HIC1: variants seen among roughly 807,000 people sequenced by gnomAD.
HIC1 encodes the protein HIC ZBTB transcriptional repressor 1.
In HIC1, 9 loss-of-function variants were observed where a neutral mutation model predicts 26.4. That is an observed-to-expected ratio of 0.34 (90% confidence interval 0.21 to 0.59). The LOEUF is 0.59. Ranked by LOEUF, HIC1 falls within the 20% of genes least tolerant of loss-of-function variation. The pLI is 0.82. For missense variants in HIC1, 965 were observed against 1,075.7 expected (o/e 0.90, Z 1.44); for synonymous variants, 631 against 523.1 (o/e 1.21, Z -2.81).
Position 2,056,876 on chromosome 17 carries a change from G to A in HIC1, c.186G>A (p.Leu62=), listed in dbSNP as rs768250662. ...AGTCCCTGGTGGTGCATGACAACCT[G>A]CTCAACCTGGACCATGACATGGTGA... ...YLKSLVVHDN[L]LNLDHDMVSP... Residue 62 remains leucine, a synonymous_variant, in exon 2 of 2, where the codon CTG becomes CTA. Coordinates refer to ENST00000619757, the MANE Select transcript of HIC1 (RefSeq NM_006497.4). 25 of 1,612,782 alleles carry A rather than the reference G, an allele frequency of 1.6e-5. No homozygotes were observed. The Middle Eastern group carries it at 4.9e-4, about 32-fold the overall frequency.
At position 2,057,960 on chromosome 17, in the gene HIC1, G is replaced by A. The variant is rs769067993; in HGVS notation, c.1270G>A (p.Gly424Ser). 3.5e-5 allele frequency: 56 copies of A among 1,610,390 alleles called. No individual in the cohort carries two copies. The highest frequency in any genetic ancestry group is 4.6e-5 in the Non-Finnish European group (54 of 1,178,882). Residue 424 changes from glycine (G) to serine (S), a missense_variant, in exon 2 of 2, where the codon GGC becomes AGC. Coordinates refer to ENST00000619757, the MANE Select transcript of HIC1 (RefSeq NM_006497.4). ...GDNLYVCIPC[G>S]KGFPSSEQLN... ...CAACCTGTACGTGTGCATTCCGTGC[G>A]GCAAGGGCTTCCCCAGCTCTGAGCA...
chr17:2,058,711 C>A lies in HIC1; in HGVS notation c.2021C>A (p.Pro674Gln), dbSNP rs1175479430. The A allele has an allele frequency of 6.5e-7, 1 of 1,539,626 alleles. No homozygotes were observed. The highest frequency in any genetic ancestry group is 8.7e-7 in the Non-Finnish European group (1 of 1,147,202). ...AAGGTGGCGCTGGAGAGCCTCTACC[C>A]GCTGGCCAAGTTCACGGCCGAGCTG... ...DPKVALESLY[P>Q]LAKFTAELGL... Residue 674 changes from proline (P) to glutamine (Q), a missense_variant, in exon 2 of 2, where the codon CCG becomes CAG. Transcript: ENST00000619757.
At position 2,061,496 on chromosome 17, in the gene HIC1, C is replaced by T. The variant is rs1326687344; in HGVS notation, c.*2661C>T. ...GGGGGCCCCAGTGTGGCTCCCTCAG[C>T]CCACCTGGGCCCACGTGAGGAAGGC... is the stretch of plus-strand genomic sequence containing the variant. On this transcript the variant is annotated 3_prime_UTR_variant, in exon 2 of 2. Transcript: ENST00000619757. 6.4e-7 allele frequency: 1 copy of T among 1,570,326 alleles called. No individual in the cohort carries two copies. Among genetic ancestry groups the T allele is most frequent in the Non-Finnish European group, 8.6e-7 (1 of 1,159,130 alleles).
chr17:2,056,905 C>T lies in HIC1; in HGVS notation c.215C>T (p.Pro72Leu). The T allele has an allele frequency of 6.2e-7, 1 of 1,612,796 alleles. No individual in the cohort carries two copies. Among genetic ancestry groups the T allele is most frequent in the Non-Finnish European group, 8.5e-7 (1 of 1,179,866 alleles). Residue 72 changes from proline (P) to leucine (L), a missense_variant, in exon 2 of 2, where the codon CCG becomes CTG. Physicochemically the swap from Pro to Leu is moderately conservative, Grantham distance 98. Coordinates refer to ENST00000619757, the MANE Select transcript of HIC1 (RefSeq NM_006497.4). ...AACCTGGACCATGACATGGTGAGCCCGGCCGTGTTCCGCCTGGTGCTGGAC... is the reference window on the plus strand; with the variant it reads ...AACCTGGACCATGACATGGTGAGCCTGGCCGTGTTCCGCCTGGTGCTGGAC... ...LLNLDHDMVSPAVFRLVLDFI... is the reference protein window; with the variant it reads ...LLNLDHDMVSLAVFRLVLDFI...
chr17:2,058,608 CA>C lies in HIC1; in HGVS notation c.1919del (p.Gln640ArgfsTer2). The C allele has an allele frequency of 6.4e-7, 1 of 1,555,320 alleles. No individual in the cohort carries two copies. The highest frequency in any genetic ancestry group is 8.6e-7 in the Non-Finnish European group (1 of 1,158,676). ...VFAVARLTAEQLSLKQQDKAA... is the reference protein window; with the variant it reads ...VFAVARLTAEXLSLKQQDKAA... The stretch of plus-strand genomic sequence containing the variant: ...TGCTGTGGCTCGCCTCACGGCCGAG[CA>C]GCTGAGCCTGAAGCAGCAGGACAAG... On this transcript the variant is annotated frameshift_variant, in exon 2 of 2. Coordinates refer to ENST00000619757, the MANE Select transcript of HIC1 (RefSeq NM_006497.4). LOFTEE classifies it high-confidence loss of function.
chr17:2,058,727 G>A lies in HIC1; in HGVS notation c.2037G>A (p.Thr679=), dbSNP rs776714507. The A allele has an allele frequency of 3.9e-6, 6 of 1,531,822 alleles. No individual in the cohort carries two copies. In the East Asian group the frequency reaches 1.3e-4, roughly 33 times the overall value. 94.9% of individuals were successfully genotyped at this position (1,531,822 alleles called of 1,614,324 possible). A position where few individuals can be genotyped will look rare whatever the true frequency, so the allele number is the denominator to read the frequency against. Residue 679 remains threonine (T), a synonymous_variant, in exon 2 of 2, where the codon ACG becomes ACA. Transcript: ENST00000619757. ...LESLYPLAKF[T]AELGLSPDKA... Reference sequence around the variant, plus strand: ...GCCTCTACCCGCTGGCCAAGTTCACGGCCGAGCTGGGCCTCAGCCCCGACA... The same window carrying A: ...GCCTCTACCCGCTGGCCAAGTTCACAGCCGAGCTGGGCCTCAGCCCCGACA...
chr17:2,056,225 C>A, intron 1 of HIC1: 1 of 1,209,832 alleles, frequency 8.3e-7, no homozygotes, highest in Non-Finnish European at 1.2e-6. Context: ...ATCACTTCCC[C>A]CAACTGGGGC....
chr17:2,056,398 C>T (rs2067672955), intron 1 of HIC1: 1 of 1,574,080 alleles, frequency 6.4e-7, no homozygotes, highest in Non-Finnish European at 8.7e-7. Flanking sequence ...TTCTCGGAAG[C>T]CCCAGCACCC....
intron 1 of HIC1, chr17:2,056,312 G>C: frequency 6.2e-7 from 1 of 1,613,388 alleles, no homozygotes; most frequent in Non-Finnish European, 8.5e-7. Context: ...CGCCCTGAAT[G>C]ACTTTTCCTG....
rs1177211839 is a variant in HIC1 at position 2,058,765 on chromosome 17, T to A, written c.2075T>A (p.Val692Glu). 2 of 1,523,226 alleles carry A rather than the reference T, an allele frequency of 1.3e-6. No homozygotes were observed. The highest frequency in any genetic ancestry group is 4.1e-5 in the Admixed American group (2 of 49,318). The allele number at this position is 1,523,226 out of a possible 1,614,324, so 94.4% of individuals were successfully genotyped here. ...CTCAGCCCCGACAAGGCGGCCGAGG[T>A]GCTGAGCCAGGGCGCTCACCTGGCG... Reference protein sequence around the residue: ...LGLSPDKAAEVLSQGAHLAAG... With the variant: ...LGLSPDKAAEELSQGAHLAAG... Residue 692 changes from valine (V) to glutamate (E), a missense_variant, in exon 2 of 2, where the codon GTG becomes GAG. Val to Glu is a moderately radical substitution (Grantham distance 121). This residue lies in a region of HIC1 where 210 missense variants were observed against 179.2 expected (regional missense o/e 1.17). Coordinates refer to ENST00000619757, the MANE Select transcript of HIC1 (RefSeq NM_006497.4).
chr17:2,061,775 C>G lies in HIC1; in HGVS notation c.*2940C>G. ...CAGTCCTTTCCTCCGTCCGGGCTCT[C>G]AGCCCCGGGGACCCTCCCCTGCTGG... is the stretch of plus-strand genomic sequence containing the variant. On this transcript the variant is annotated 3_prime_UTR_variant, in exon 2 of 2. Transcript: ENST00000619757. 1.1e-6 allele frequency: 1 copy of G among 883,666 alleles called. No homozygotes were observed. Among genetic ancestry groups the G allele is most frequent in the Non-Finnish European group, 1.7e-6 (1 of 582,086 alleles). The allele number at this position is 883,666 out of a possible 1,614,324, so 54.7% of individuals were successfully genotyped here.
In HIC1 at chr17:2,056,835, A is replaced by G; in HGVS notation, c.145A>G (p.Ser49Gly). 1 of 1,612,888 alleles carries G rather than the reference A, an allele frequency of 6.2e-7. No individual in the cohort carries two copies. The highest frequency in any genetic ancestry group is 8.5e-7 in the Non-Finnish European group (1 of 1,179,902). Residue 49 changes from serine (S) to glycine (G), a missense_variant, in exon 2 of 2, where the codon AGC becomes GGC. By Grantham distance (56) the Ser-to-Gly change is moderately conservative. Coordinates refer to ENST00000619757, the MANE Select transcript of HIC1 (RefSeq NM_006497.4). ...FRAHKNVLAA[S>G]SAYLKSLVVH... ...CGCGCACAAGAACGTGCTGGCGGCCAGCAGCGCCTACCTCAAGTCCCTGGT... is the reference window on the plus strand; with the variant it reads ...CGCGCACAAGAACGTGCTGGCGGCCGGCAGCGCCTACCTCAAGTCCCTGGT...
rs755320853 is a variant in HIC1, at chr17:2,057,816, GACT to G, written c.1129_1131del (p.Tyr377del). 20 of 1,561,302 alleles carry G rather than the reference GACT, an allele frequency of 1.3e-5. No individual in the cohort carries two copies. Among genetic ancestry groups the G allele is most frequent in the Admixed American group, 1.9e-5 (1 of 53,636 alleles). On this transcript the variant is annotated inframe_deletion, in exon 2 of 2. Transcript: ENST00000619757. Reference sequence around the variant, plus strand: ...GCCCGGCGCGGGCGGCGACGGCGACGACTACAAGAGCAGCAGCGAGGAGACCGG... The same window carrying G: ...GCCCGGCGCGGGCGGCGACGGCGACGACAAGAGCAGCAGCGAGGAGACCGG...
At position 2,061,167 on chromosome 17, in the gene HIC1, A is replaced by G. The variant is rs765427630; in HGVS notation, c.*2332A>G. 6 of 249,762 alleles carry G rather than the reference A, an allele frequency of 2.4e-5. No homozygotes were observed. The highest frequency in any genetic ancestry group is 8.9e-5 in the African/African-American group (4 of 44,848). The allele number at this position is 249,762 out of a possible 1,614,324, so 15.5% of individuals were successfully genotyped here. A position where few individuals can be genotyped will look rare whatever the true frequency, so the allele number is the denominator to read the frequency against. ...TCCCCAGGCGAGAAGGCCCTCCCTC[A>G]GCCTTGGAATGAGACGGGGGAGGGA... On this transcript the variant is annotated 3_prime_UTR_variant, in exon 2 of 2. Coordinates refer to ENST00000619757, the MANE Select transcript of HIC1 (RefSeq NM_006497.4).
Position 2,061,954 on chromosome 17 carries a change from A to C in HIC1, c.*3119A>C. 9.8e-6 allele frequency: 2 copies of C among 204,508 alleles called. No individual in the cohort carries two copies. The highest frequency in any genetic ancestry group is 8.9e-5 in the South Asian group (1 of 11,260). 12.7% of individuals were successfully genotyped at this position (204,508 alleles called of 1,614,324 possible). A position where few individuals can be genotyped will look rare whatever the true frequency, so the allele number is the denominator to read the frequency against. ...AGCCCCTTGACCTCTACTCCTTTTT[A>C]CCACATGGCTGGCCCCCAGATCACA... On this transcript the variant is annotated 3_prime_UTR_variant, in exon 2 of 2. Transcript: ENST00000619757.
At position 2,061,510 on chromosome 17, in the gene HIC1, CG is replaced by C; in HGVS notation, c.*2676del. 1 of 1,574,632 alleles carries C rather than the reference CG, an allele frequency of 6.4e-7. No individual in the cohort carries two copies. The highest frequency in any genetic ancestry group is 8.6e-7 in the Non-Finnish European group (1 of 1,160,858). On this transcript the variant is annotated 3_prime_UTR_variant, in exon 2 of 2. Transcript: ENST00000619757. ...GGCTCCCTCAGCCCACCTGGGCCCA[CG>C]TGAGGAAGGCTGGGATGTCCCGTAC...
rs1567556863 is a variant in HIC1 at position 2,057,561 on chromosome 17, G to GGCA, written c.874_876dup (p.Ser292dup). 6.7e-7 allele frequency: 1 copy of GGCA among 1,501,194 alleles called. No homozygotes were observed. The highest frequency in any genetic ancestry group is 8.8e-7 in the Non-Finnish European group (1 of 1,130,536). 93.0% of individuals were successfully genotyped at this position (1,501,194 alleles called of 1,614,324 possible). ...ACCGCCTTCCGACCCATTTCGCGGC[G>GGCA]GCAGCGGCAGCCCGGGACCCGAGCC... On this transcript the variant is annotated inframe_insertion, in exon 2 of 2. Coordinates refer to ENST00000619757, the MANE Select transcript of HIC1 (RefSeq NM_006497.4).
chr17:2,059,547 C>T lies in HIC1; in HGVS notation c.*712C>T, dbSNP rs1305084666. 1 of 167,142 alleles carries T rather than the reference C, an allele frequency of 6.0e-6. No homozygotes were observed. The highest frequency in any genetic ancestry group is 1.5e-5 in the Non-Finnish European group (1 of 68,196). 10.4% of individuals were successfully genotyped at this position (167,142 alleles called of 1,614,324 possible). ...GCCCCGGCGGCCCCCCATCCCGAGC[C>T]CAGGCTGGGCTGGGCTGGAACGCGG... On this transcript the variant is annotated 3_prime_UTR_variant, in exon 2 of 2. Coordinates refer to ENST00000619757, the MANE Select transcript of HIC1 (RefSeq NM_006497.4).
At position 2,058,722 on chromosome 17, in the gene HIC1, T is replaced by G. The variant is rs1221649265; in HGVS notation, c.2032T>G (p.Phe678Val). 6.5e-7 allele frequency: 1 copy of G among 1,534,604 alleles called. No homozygotes were observed. Among genetic ancestry groups the G allele is most frequent in the African/African-American group, 1.4e-5 (1 of 70,868 alleles). The stretch of plus-strand genomic sequence containing the variant: ...GGAGAGCCTCTACCCGCTGGCCAAG[T>G]TCACGGCCGAGCTGGGCCTCAGCCC... Reference protein sequence around the residue: ...ALESLYPLAKFTAELGLSPDK... With the variant: ...ALESLYPLAKVTAELGLSPDK... The change falls in exon 2 of 2, where the codon TTC (phenylalanine) becomes GTC (valine). Residue 678 changes from phenylalanine to valine, a missense_variant. Phe to Val is a conservative substitution (Grantham distance 50, BLOSUM62 -1). Coordinates refer to ENST00000619757, the MANE Select transcript of HIC1 (RefSeq NM_006497.4).
Sources: allele counts gnomAD v4.1 joint callset, GRCh38; gene constraint gnomAD v4.1.1; regional missense constraint gnomAD v4.1.1; transcripts MANE v1.5; gene names NCBI Gene and HGNC (gene_info 2026-07-23, HGNC 2026-07-21).